The following FKBP5 variants were observed in gnomAD, a reference collection of about 807,000 sequenced individuals.
FKBP5 encodes the protein FKBP prolyl isomerase 5.
In FKBP5, 23 loss-of-function variants were observed where a neutral mutation model predicts 50.5. That is an observed-to-expected ratio of 0.46 (90% CI 0.33 to 0.65). The LOEUF is 0.65. FKBP5 is among the 30% of genes least tolerant of loss of function. The probability of loss-of-function intolerance (pLI) is 0.02; values close to 1 mark genes in which losing one functional copy is unlikely to be tolerated. For synonymous variants in FKBP5, 176 were observed against 190.6 expected, an observed-to-expected ratio of 0.92 and a Z score of 0.63; for missense variants, 411 against 553.1, an observed-to-expected ratio of 0.74 and a Z score of 2.58.
At chr6:35,718,823 C>T (rs1374752390) in intron 2 of FKBP5, among the ~76,000 whole-genome samples, 2 of 152,218 alleles carry the variant, frequency 1.3e-5, no homozygotes, top group African/African-American at 2.4e-5. Flanking sequence ...ACAAAGGATA[C>T]AGGAGTTCCA....
chr6:35,591,127 C>T lies in FKBP5; in HGVS notation c.756+3G>A, dbSNP rs1561847576. On this transcript the variant is annotated splice_donor_region_variant and intron_variant, in intron 7 of 10. Coordinates refer to ENST00000357266, the MANE Select transcript of FKBP5 (RefSeq NM_004117.4). ...AATTTTAAGGAAGTTGGTATTTTCT[C>T]ACCTTTTCGAAGCTCTTAAGTGTAA... 1 of 1,596,410 alleles carries T rather than the reference C, an allele frequency of 6.3e-7. No individual in the cohort carries two copies.
intron 8 of FKBP5, chr6:35,585,282 A>AT (rs1440547048): frequency 3.1e-6 from 3 of 981,890 alleles, no homozygotes; most frequent in Non-Finnish European, 3.6e-6. Context: ...TTGTAGAAAC[A>AT]TTTTTCCCTC....
intron 5 of FKBP5, among the ~76,000 whole-genome samples, chr6:35,609,221 TCTTGA>T (rs1264157807): frequency 1.3e-5 from 2 of 152,318 alleles, no homozygotes; most frequent in Admixed American, 1.3e-4. Flanking sequence ...AGTTGTTGCT[TCTTGA>T]CTTATTTTTT....
chr6:35,689,609 G>A (rs545148390), upstream of FKBP5, among the ~76,000 whole-genome samples: 1 of 152,220 alleles, frequency 6.6e-6, no homozygotes, highest in African/African-American at 2.4e-5. Flanking sequence ...TTGGAAGGCC[G>A]AGGTGGGCGG....
At chr6:35,724,987 C>T (rs1032708648) in intron 1 of FKBP5, among the ~76,000 whole-genome samples, 17 of 152,146 alleles carry the variant, frequency 1.1e-4, no homozygotes, top group Non-Finnish European at 4.4e-5. Context: ...CTTTGGGTTC[C>T]AAACGCTGTT....
chr6:35,587,982 T>C (rs1762659834), intron 7 of FKBP5, among the ~76,000 whole-genome samples: 1 of 152,116 alleles, frequency 6.6e-6, no homozygotes, highest in Non-Finnish European at 1.5e-5. Context: ...TGTGTGTTCC[T>C]GGTGTCACAG....
intron 2 of FKBP5, among the ~76,000 whole-genome samples, chr6:35,695,738 AAAAC>A (rs1209529142): frequency 2.0e-5 from 3 of 152,244 alleles, no homozygotes; most frequent in African/African-American, 7.2e-5. Flanking sequence ...TGAAATTAAG[AAAAC>A]AATTTCATTT....
chr6:35,687,522 T>G (rs991941909), intron 1 of FKBP5, among the ~76,000 whole-genome samples: 44 of 152,116 alleles, frequency 2.9e-4, no homozygotes, highest in African/African-American at 1.0e-3. Flanking sequence ...GTGGATAGAA[T>G]CCCAGACTAT....
intron 1 of FKBP5, among the ~76,000 whole-genome samples, chr6:35,673,258 C>G (rs976961722): frequency 6.6e-5 from 10 of 152,084 alleles, no homozygotes; most frequent in Non-Finnish European, 1.5e-4. Context: ...ATATTAAAAT[C>G]TAAGAGATTG....
chr6:35,636,334 C>G (rs1441707418), intron 3 of FKBP5, among the ~76,000 whole-genome samples: 3 of 152,186 alleles, frequency 2.0e-5, no homozygotes, highest in African/African-American at 7.2e-5. Flanking sequence ...CTTGAAGTGA[C>G]AGACTTACTC....
chr6:35,707,252 T>C (rs1421891795), intron 2 of FKBP5, among the ~76,000 whole-genome samples: 2 of 147,062 alleles, frequency 1.4e-5, no homozygotes. Context: ...GTTTCACTCT[T>C]ATTGCCCAGG....
intron 8 of FKBP5, chr6:35,582,921 T>C (rs1762480664): frequency 1.1e-6 from 1 of 894,904 alleles, no homozygotes. Flanking sequence ...AATGTAAATA[T>C]GGAATCAAGA....
chr6:35,698,286 G>A (rs537828156), intron 2 of FKBP5, among the ~76,000 whole-genome samples: 10 of 152,192 alleles, frequency 6.6e-5, no homozygotes, highest in Middle Eastern at 3.4e-3. Context: ...AGGTTGCAGG[G>A]AGTGGAGGTC....
rs115829819 is a variant in FKBP5 at position 35,581,885 on chromosome 6, T to C, written c.841-1664A>G. 625 of 985,494 alleles carry C rather than the reference T, an allele frequency of 6.3e-4. 2 individuals are homozygous for C. In the African/African-American group the frequency reaches 0.01, roughly 16 times the overall value. 61.0% of individuals were successfully genotyped at this position (985,494 alleles called of 1,614,324 possible). A position where few individuals can be genotyped will look rare whatever the true frequency, so the allele number is the denominator to read the frequency against. ...TACCACAGCCCAAGCAGCGCGTACA[T>C]CTCACTGCCGAGTTGTCTCTCCCCA... On this transcript the variant is annotated intron_variant, in intron 8 of 10. Transcript: ENST00000357266.
intron 2 of FKBP5, among the ~76,000 whole-genome samples, chr6:35,638,448 T>G (rs1012475993): frequency 2.6e-5 from 4 of 152,174 alleles, no homozygotes; most frequent in Non-Finnish European, 5.9e-5. Flanking sequence ...AGGGTCTTGC[T>G]CTTTTACCCA....
At chr6:35,664,092 A>G (rs1411319512) in intron 1 of FKBP5, among the ~76,000 whole-genome samples, 2 of 152,254 alleles carry the variant, frequency 1.3e-5, no homozygotes, top group Non-Finnish European at 2.9e-5. Context: ...CTCTGATTCT[A>G]AAGCATTTCC....
chr6:35,697,111 C>G (rs1766092837), intron 2 of FKBP5, among the ~76,000 whole-genome samples: 1 of 152,144 alleles, frequency 6.6e-6, no homozygotes, highest in Non-Finnish European at 1.5e-5. Flanking sequence ...AAAGCAGGAA[C>G]TCAAACAGAT....
At chr6:35,665,444 C>G (rs1765189145) in intron 1 of FKBP5, among the ~76,000 whole-genome samples, 2 of 152,052 alleles carry the variant, frequency 1.3e-5, no homozygotes, top group Admixed American at 1.3e-4. Context: ...CGTGCCACCA[C>G]ACCCAGCTAA....
At chr6:35,617,315 TCTTTA>T (rs1270195236) in intron 5 of FKBP5, among the ~76,000 whole-genome samples, 3 of 152,060 alleles carry the variant, frequency 2.0e-5, no homozygotes, top group Non-Finnish European at 4.4e-5. Context: ...TTAAATGAAC[TCTTTA>T]CTTTTTTTTT....
Sources: allele counts gnomAD v4.1 joint callset (sites outside exome capture counted in the v4.1 genomes callset), GRCh38; gene constraint gnomAD v4.1.1; transcripts MANE v1.5; gene names NCBI Gene and HGNC (gene_info 2026-07-23, HGNC 2026-07-21).